The following PLCG2 variants were observed in gnomAD, a reference collection of about 807,000 sequenced individuals.
PLCG2 encodes phospholipase C gamma 2.
Under a neutral mutation model 175.6 loss-of-function variants are expected in PLCG2, and 69 were observed. The observed-to-expected ratio is 0.39, with a 90% CI of 0.32 to 0.48. The LOEUF (loss-of-function observed/expected upper bound fraction) is 0.48. Ranked by LOEUF, PLCG2 falls within the 20% of genes least tolerant of loss-of-function variation. The probability of loss-of-function intolerance (pLI) is 0.91; values close to 1 mark genes in which losing one functional copy is unlikely to be tolerated. For synonymous variants in PLCG2, 827 were observed against 624.0 expected (o/e 1.33, Z -4.85); for missense variants, 1,798 against 1,650.9 (o/e 1.09, Z -1.54).
chr16:81,801,653 C>T (rs1471049596), intron 2 of PLCG2, among the ~76,000 whole-genome samples: 4 of 151,886 alleles, frequency 2.6e-5, no homozygotes, highest in Admixed American at 1.3e-4. Flanking sequence ...CCCATTTTTT[C>T]GATATTAGAT....
At chr16:81,915,743 G>T (rs1382480706) in intron 19 of PLCG2, among the ~76,000 whole-genome samples, 1 of 152,200 alleles carries the variant, frequency 6.6e-6, no homozygotes, top group Non-Finnish European at 1.5e-5. Context: ...CCCTGTGGAA[G>T]GAGCCGGAAC....
At chr16:81,900,543 C>T (rs1341507970) in intron 13 of PLCG2, 69 bp from the exon 14 acceptor site, 10 of 1,431,922 alleles carry the variant, frequency 7.0e-6, no homozygotes, top group Admixed American at 2.2e-5. Flanking sequence ...GCTGCCCTGG[C>T]CCCTCTGTGG....
upstream of PLCG2, among the ~76,000 whole-genome samples, chr16:81,775,560 T>C (rs1241491267): frequency 6.6e-6 from 1 of 152,152 alleles, no homozygotes; most frequent in Non-Finnish European, 1.5e-5. Context: ...TGTAGGTACA[T>C]TTCTGATACC....
chr16:81,815,540 G>A (rs992154157), intron 2 of PLCG2, among the ~76,000 whole-genome samples: 7 of 152,152 alleles, frequency 4.6e-5, no homozygotes, highest in African/African-American at 1.7e-4. Context: ...GCCCTGCCTG[G>A]GCTCTGTTGA....
rs73592978 is a variant in PLCG2 at position 81,859,939 on chromosome 16, C to A, written c.479+776C>A. Among the ~76,000 whole-genome samples the A allele has an allele frequency of 6.3e-4, 96 of 152,132 alleles. No individual in the cohort carries two copies. The Middle Eastern group carries it at 0.017, about 27-fold the overall frequency. On this transcript the variant is annotated intron_variant, in intron 5 of 32. Transcript: ENST00000564138. ...TAAAAGTACCTCTTGGAGAAGCTCC[C>A]TATCAGTCCTGCACAAAGCTCTATG...
At chr16:81,897,240 C>T (rs941705180) in intron 13 of PLCG2, among the ~76,000 whole-genome samples, 1 of 152,226 alleles carries the variant, frequency 6.6e-6, no homozygotes, top group Non-Finnish European at 1.5e-5. Context: ...TCTATAGGCT[C>T]ATTGGAATGA....
At chr16:81,822,966 C>T (rs1479697973) in intron 2 of PLCG2, among the ~76,000 whole-genome samples, 5 of 152,156 alleles carry the variant, frequency 3.3e-5, no homozygotes, top group Admixed American at 6.5e-5. Flanking sequence ...CCAGTGCTGC[C>T]GACACCTTGG....
chr16:81,775,257 T>A (rs989074033), upstream of PLCG2, among the ~76,000 whole-genome samples: 1 of 152,138 alleles, frequency 6.6e-6, no homozygotes, highest in Non-Finnish European at 1.5e-5. Flanking sequence ...GCTTTCCTGG[T>A]CCTTGGCAAC....
intron 5 of PLCG2, among the ~76,000 whole-genome samples, chr16:81,860,172 A>ATTATTATTATTATTATTTT (rs763047744): frequency 2.5e-5 from 3 of 120,612 alleles, no homozygotes; most frequent in South Asian, 2.7e-4. Context: ...TATTATTATT[A>ATTATTATTATTATTATTTT]TTTTTTTTTT....
At chr16:81,855,461 G>A (rs557540771) in intron 3 of PLCG2, among the ~76,000 whole-genome samples, 86 of 152,328 alleles carry the variant, frequency 5.6e-4, no homozygotes, top group African/African-American at 2.0e-3. Flanking sequence ...AGCTGTCAAA[G>A]TTGAGCAATA....
chr16:81,864,061 G>A (rs889338903), intron 5 of PLCG2, among the ~76,000 whole-genome samples: 5 of 152,194 alleles, frequency 3.3e-5, no homozygotes, highest in Admixed American at 3.3e-4. Flanking sequence ...ATTCTTCTGT[G>A]AAGCTGGGGT....
At chr16:81,897,550 T>TTTC (rs1395924567) in intron 13 of PLCG2, among the ~76,000 whole-genome samples, 269 of 76,008 alleles carry the variant, frequency 3.5e-3, no homozygotes, top group African/African-American at 0.018. Flanking sequence ...TTTCTTTTCT[T>TTTC]TTTTTTTTTT....
chr16:81,849,115 C>A (rs1049380926), intron 2 of PLCG2, among the ~76,000 whole-genome samples: 1 of 152,090 alleles, frequency 6.6e-6, no homozygotes, highest in Non-Finnish European at 1.5e-5. Context: ...GAGGGGTCAT[C>A]ACAGGGCTGT....
intron 12 of PLCG2, among the ~76,000 whole-genome samples, chr16:81,894,368 G>A (rs1233652494): frequency 1.3e-5 from 2 of 152,232 alleles, no homozygotes; most frequent in African/African-American, 4.8e-5. Context: ...GGTTGAGGCT[G>A]TGGTGAGCTG....
intron 2 of PLCG2, among the ~76,000 whole-genome samples, chr16:81,794,769 A>G (rs962279764): frequency 1.3e-5 from 2 of 152,230 alleles, no homozygotes; most frequent in African/African-American, 4.8e-5. Flanking sequence ...ATCATCATCC[A>G]GCATAAAGGC....
chr16:81,830,663 T>A (rs1905223661), intron 2 of PLCG2, among the ~76,000 whole-genome samples: 1 of 150,798 alleles, frequency 6.6e-6, no homozygotes. Flanking sequence ...TGTGTGTGTG[T>A]GTGTATATAT....
At chr16:81,860,176 T>TATTA (rs200511055) in intron 5 of PLCG2, among the ~76,000 whole-genome samples, 66 of 139,094 alleles carry the variant, frequency 4.7e-4, no homozygotes, top group African/African-American at 9.5e-4. Context: ...ATTATTATTT[T>TATTA]TTTTTTTTTT....
At chr16:81,783,870 T>G (rs1383397380) in intron 1 of PLCG2, among the ~76,000 whole-genome samples, 1 of 152,200 alleles carries the variant, frequency 6.6e-6, no homozygotes, top group Non-Finnish European at 1.5e-5. Context: ...TCCTAGCCTT[T>G]GCTTAAACTT....
intron 2 of PLCG2, among the ~76,000 whole-genome samples, chr16:81,849,482 G>C (rs1238056034): frequency 6.6e-6 from 1 of 152,160 alleles, no homozygotes; most frequent in African/African-American, 2.4e-5. Flanking sequence ...CTCTTGGCTG[G>C]GCGTGGTAGC....
Sources: gnomAD v4.1 joint callset for allele counts (sites outside exome capture counted in the v4.1 genomes callset) on GRCh38, gnomAD v4.1.1 for gene constraint, MANE v1.5 for transcripts, NCBI Gene and HGNC (gene_info 2026-07-23, HGNC 2026-07-21) for gene names.